Variants in ABCB11 observed in about 807,000 individuals in gnomAD.
ABCB11 encodes the protein bile salt export pump.
ABCB11 carries 95 observed loss-of-function variants against 148.0 expected under a neutral mutation model. That is an observed-to-expected ratio of 0.64 (90% CI 0.54 to 0.76). The LOEUF (loss-of-function observed/expected upper bound fraction) is 0.76. ABCB11 is among the 30% of genes least tolerant of loss of function. The pLI, the probability that ABCB11 is intolerant of heterozygous loss-of-function variation, is 0.00. For missense variants in ABCB11, 1,523 were observed against 1,617.8 expected, an observed-to-expected ratio of 0.94 and a Z score of 1.01; for synonymous variants, 591 against 555.4, an observed-to-expected ratio of 1.06 and a Z score of -0.90.
chr2:169,014,198 G>A, intron 4 of ABCB11, 105 bp downstream of exon 4: 2 of 1,120,706 alleles, frequency 1.8e-6, no homozygotes, highest in Admixed American at 3.5e-5. Flanking sequence ...AGTGATCACT[G>A]AAGTTAAAAA....
At chr2:169,014,495 C>T in intron 3 of ABCB11, 141 bp from the exon 4 acceptor site, 1 of 730,746 alleles carries the variant, frequency 1.4e-6, no homozygotes, top group Non-Finnish European at 2.3e-6. Flanking sequence ...AACCTAGTAT[C>T]TTAAACACAA....
intron 25 of ABCB11, 59 bp from the exon 26 acceptor site, chr2:168,927,421 T>C: frequency 1.4e-6 from 2 of 1,426,978 alleles, no homozygotes; most frequent in Admixed American, 1.9e-5. Flanking sequence ...GTGAGGAAAG[T>C]TCATATTCTA....
chr2:168,969,490 T>C lies in ABCB11; in HGVS notation c.1871A>G (p.Asp624Gly), dbSNP rs776055806. The C allele has an allele frequency of 1.6e-5, 26 of 1,612,626 alleles. No individual in the cohort carries two copies. The South Asian group carries it at 2.6e-4, about 16-fold the overall frequency. The change falls in exon 16 of 28, where the codon GAT (aspartate) becomes GGT (glycine). Residue 624 changes from aspartate to glycine, a missense_variant. Transcript: ENST00000650372. ...GCCATGTTCAAAACCAATGATGGTA[T>C]CTGCAGCTCTGACCGTAGACAAGCG... ...AHRLSTVRAADTIIGFEHGTA... is the reference protein window; with the variant it reads ...AHRLSTVRAAGTIIGFEHGTA...
Position 168,936,435 on chromosome 2 carries a change from T to C in ABCB11, c.2611-2A>G. ...CATCCCGATCTGAGAGCCGGCAGCC[T>C]GCAAACCAAAAAGCAATCAACCCGT... On this transcript the variant is annotated splice_acceptor_variant, in intron 21 of 27. Transcript: ENST00000650372. LOFTEE classifies it high-confidence loss of function. 6.2e-7 allele frequency: 1 copy of C among 1,613,774 alleles called. No homozygotes were observed. The highest frequency in any genetic ancestry group is 8.5e-7 in the Non-Finnish European group (1 of 1,179,840).
At chr2:169,000,604 T>C (rs754965033) in intron 5 of ABCB11, among the ~76,000 whole-genome samples, 1 of 152,154 alleles carries the variant, frequency 6.6e-6, no homozygotes, top group Non-Finnish European at 1.5e-5. Context: ...GGTCTATTTC[T>C]GAGTTCTCCA....
intron 11 of ABCB11, among the ~76,000 whole-genome samples, chr2:168,979,587 G>A (rs1047578339): frequency 6.8e-6 from 1 of 148,120 alleles, no homozygotes; most frequent in Non-Finnish European, 1.5e-5. Context: ...CAGGAGAATC[G>A]CTTGAACCTG....
chr2:169,027,969 G>C (rs887086727), intron 1 of ABCB11, among the ~76,000 whole-genome samples: 1 of 152,126 alleles, frequency 6.6e-6, no homozygotes, highest in Non-Finnish European at 1.5e-5. Context: ...TGGGCTGAAA[G>C]ATACCATTAC....
At chr2:168,934,847 A>G (rs1031090961) in intron 23 of ABCB11, among the ~76,000 whole-genome samples, 1 of 152,200 alleles carries the variant, frequency 6.6e-6, no homozygotes, top group Non-Finnish European at 1.5e-5. Context: ...AAAATTAGAA[A>G]GTTTCTTTGC....
At chr2:169,024,607 T>C (rs73024754) in intron 1 of ABCB11, among the ~76,000 whole-genome samples, 7,740 of 152,266 alleles carry the variant, frequency 0.051, 234 homozygotes, top group African/African-American at 0.067. Context: ...ATTGATACAT[T>C]ATTATTAGCT....
intron 21 of ABCB11, among the ~76,000 whole-genome samples, chr2:168,937,998 T>A (rs983253969): frequency 4.6e-5 from 7 of 152,276 alleles, no homozygotes; most frequent in African/African-American, 1.7e-4. Context: ...GACAATTACA[T>A]CACTTCTTTT....
chr2:168,929,701 A>G (rs1691477837), intron 25 of ABCB11, among the ~76,000 whole-genome samples: 1 of 152,192 alleles, frequency 6.6e-6, no homozygotes, highest in African/African-American at 2.4e-5. Context: ...GAAAGTGAGA[A>G]TTCAAGAGGA....
intron 10 of ABCB11, among the ~76,000 whole-genome samples, chr2:168,985,701 C>A (rs1035293784): frequency 6.6e-6 from 1 of 151,966 alleles, no homozygotes; most frequent in African/African-American, 2.4e-5. Flanking sequence ...AATGGAAAAC[C>A]AAATATTGCA....
chr2:169,016,815 A>T lies in ABCB11; in HGVS notation c.77-16T>A, dbSNP rs1056629485. ...TCATTATTATCTGTCAGAAAAAAAA[A>T]TCAACGCAAAAAAGCAGTTAATAAT... is the stretch of plus-strand genomic sequence containing the variant. On this transcript the variant is annotated splice_polypyrimidine_tract_variant and intron_variant, in intron 2 of 27. Coordinates refer to ENST00000650372, the MANE Select transcript of ABCB11 (RefSeq NM_003742.4). 6.3e-7 allele frequency: 1 copy of T among 1,581,322 alleles called. No individual in the cohort carries two copies. The highest frequency in any genetic ancestry group is 1.2e-5 in the South Asian group (1 of 85,262).
chr2:168,941,169 C>A (rs957762133), intron 21 of ABCB11, among the ~76,000 whole-genome samples: 5 of 151,944 alleles, frequency 3.3e-5, no homozygotes, highest in Non-Finnish European at 1.5e-5. Flanking sequence ...TACAAGGCTA[C>A]ATCTGCCATA....
intron 21 of ABCB11, among the ~76,000 whole-genome samples, chr2:168,942,713 C>T (rs1433105114): frequency 1.3e-5 from 2 of 151,700 alleles, no homozygotes; most frequent in Non-Finnish European, 2.9e-5. Flanking sequence ...CAAAACCTCT[C>T]ATGTACCCCA....
intron 14 of ABCB11, among the ~76,000 whole-genome samples, chr2:168,971,345 T>C (rs893883027): frequency 1.3e-5 from 2 of 152,006 alleles, no homozygotes; most frequent in Non-Finnish European, 2.9e-5. Context: ...GCAAAATCCA[T>C]TGAAGTATAA....
intron 19 of ABCB11, among the ~76,000 whole-genome samples, chr2:168,956,807 A>G (rs1315819283): frequency 6.6e-6 from 1 of 151,520 alleles, no homozygotes; most frequent in Non-Finnish European, 1.5e-5. Flanking sequence ...GCAGCTCTTC[A>G]TGTCAGGGAA....
intron 5 of ABCB11, among the ~76,000 whole-genome samples, chr2:169,001,740 G>A (rs1191857224): frequency 6.6e-6 from 1 of 152,142 alleles, no homozygotes; most frequent in Non-Finnish European, 1.5e-5. Flanking sequence ...TCTAGAAAAA[G>A]CAGGATTTTG....
chr2:168,962,237 C>A (rs747703936), intron 18 of ABCB11, among the ~76,000 whole-genome samples: 1 of 151,666 alleles, frequency 6.6e-6, no homozygotes, highest in Non-Finnish European at 1.5e-5. Context: ...TCTCCCTTAA[C>A]TAGAGAGAAC....
Sources: gnomAD v4.1 joint callset for allele counts (sites outside exome capture counted in the v4.1 genomes callset) on GRCh38, gnomAD v4.1.1 for gene constraint, MANE v1.5 for transcripts, NCBI Gene and HGNC (gene_info 2026-07-23, HGNC 2026-07-21) for gene names.